The following AKAP10 variants were observed in gnomAD, a reference collection of about 807,000 sequenced individuals.
AKAP10 encodes the protein A-kinase anchoring protein 10.
In AKAP10, 24 loss-of-function variants were observed where a neutral mutation model predicts 80.8. The observed-to-expected ratio is 0.30, with a 90% CI of 0.22 to 0.42. The LOEUF (loss-of-function observed/expected upper bound fraction) is 0.42, where lower values mean the gene tolerates loss of function less well. Ranked by LOEUF, AKAP10 falls within the 10% of genes least tolerant of loss-of-function variation. The probability of loss-of-function intolerance (pLI) is 1.00; values close to 1 mark genes in which losing one functional copy is unlikely to be tolerated. For missense variants in AKAP10, 661 were observed against 794.9 expected (o/e 0.83, Z 2.03); for synonymous variants, 291 against 277.7 (o/e 1.05, Z -0.48).
In AKAP10 at chr17:19,958,204, A is replaced by C. The variant is rs890029540; in HGVS notation, c.687T>G (p.Thr229=). 3.7e-6 allele frequency: 6 copies of C among 1,614,046 alleles called. No individual in the cohort carries two copies. In the African/African-American group the frequency reaches 8.0e-5, roughly 22 times the overall value. Residue 229 remains threonine, a synonymous_variant, in exon 4 of 15, where the codon ACT becomes ACG. Transcript: ENST00000225737. The stretch of plus-strand genomic sequence containing the variant: ...GCAGCAAGTGATTCTGAGTGCTGTT[A>C]GTTCTATTATTCAGGTCAATTCCTT... ...HSEGIDLNNR[T]NSTQNHLLLS...
chr17:19,922,541 T>C (rs1018007481), intron 11 of AKAP10, among the ~76,000 whole-genome samples: 2 of 152,136 alleles, frequency 1.3e-5, no homozygotes, highest in African/African-American at 4.8e-5. Context: ...CCACTGCGCC[T>C]GGTGAAGATA....
At chr17:19,953,345 T>A (rs2043236769) in intron 4 of AKAP10, among the ~76,000 whole-genome samples, 1 of 149,958 alleles carries the variant, frequency 6.7e-6, no homozygotes. Context: ...TTTAAGCAAC[T>A]TGGAGAAAAA....
chr17:19,941,386 G>A (rs2043049691), intron 6 of AKAP10, among the ~76,000 whole-genome samples: 1 of 152,146 alleles, frequency 6.6e-6, no homozygotes, highest in African/African-American at 2.4e-5. Context: ...GCACATAGCA[G>A]TAATAAATCT....
At chr17:19,946,234 A>G (rs2043111561) in intron 5 of AKAP10, among the ~76,000 whole-genome samples, 1 of 17,258 alleles carries the variant, frequency 5.8e-5, no homozygotes, top group African/African-American at 1.8e-4. Flanking sequence ...ATATATATAT[A>G]TATTATATAT....
At chr17:19,946,237 T>TTTTATATA (rs1555576595) in intron 5 of AKAP10, among the ~76,000 whole-genome samples, 1 of 15,182 alleles carries the variant, frequency 6.6e-5, no homozygotes, top group East Asian at 2.9e-3. Context: ...TATATATATA[T>TTTTATATA]TATATATATA....
intron 9 of AKAP10, among the ~76,000 whole-genome samples, chr17:19,934,345 T>C (rs2042970118): frequency 6.6e-6 from 1 of 152,150 alleles, no homozygotes; most frequent in African/African-American, 2.4e-5. Context: ...CGTTGCGGCA[T>C]AATGCCTTCT....
intron 5 of AKAP10, among the ~76,000 whole-genome samples, chr17:19,944,756 C>A (rs1283207849): frequency 6.6e-6 from 1 of 152,180 alleles, no homozygotes; most frequent in Non-Finnish European, 1.5e-5. Context: ...GTCAGCTGTA[C>A]CTTCAAAGTT....
Position 19,952,128 on chromosome 17 carries a change from A to T in AKAP10, c.878-4623T>A, listed in dbSNP as rs1291586390. On this transcript the variant is annotated intron_variant, in intron 4 of 14. Coordinates refer to ENST00000225737, the MANE Select transcript of AKAP10 (RefSeq NM_007202.4). ...ACTAAAATTTATATTAAAATAATTA[A>T]ATTTACCAACAAAAACCCTGTATTG... Among the ~76,000 whole-genome samples, 3 of 149,564 alleles carry T rather than the reference A, an allele frequency of 2.0e-5. No homozygotes were observed. In the East Asian group the frequency reaches 5.8e-4, roughly 29 times the overall value.
At chr17:19,907,176 G>A (rs574716762) in intron 14 of AKAP10, among the ~76,000 whole-genome samples, 63 of 151,614 alleles carry the variant, frequency 4.2e-4, no homozygotes, top group African/African-American at 1.5e-3. Flanking sequence ...GCGCCACCAC[G>A]CCCAGCTAAT....
At chr17:19,956,987 T>G (rs2043284430) in intron 4 of AKAP10, among the ~76,000 whole-genome samples, 1 of 152,152 alleles carries the variant, frequency 6.6e-6, no homozygotes, top group African/African-American at 2.4e-5. Context: ...AGACCTCATT[T>G]TAGTTCACTG....
intron 2 of AKAP10, among the ~76,000 whole-genome samples, chr17:19,964,688 G>A (rs914062617): frequency 6.6e-6 from 1 of 151,982 alleles, no homozygotes; most frequent in Non-Finnish European, 1.5e-5. Context: ...CCAGGAGTTC[G>A]AGACCAGTCT....
intron 11 of AKAP10, among the ~76,000 whole-genome samples, chr17:19,921,550 T>G (rs1353865556): frequency 6.6e-6 from 1 of 151,918 alleles, no homozygotes; most frequent in Non-Finnish European, 1.5e-5. Context: ...AAATTTAAAA[T>G]GTAGGCCAGG....
At chr17:19,914,729 C>T (rs2042727254) in intron 12 of AKAP10, among the ~76,000 whole-genome samples, 1 of 151,532 alleles carries the variant, frequency 6.6e-6, no homozygotes, top group Non-Finnish European at 1.5e-5. Flanking sequence ...TTGGGAAGGT[C>T]CCTCTCTGAA....
At chr17:19,957,965 A>G in intron 4 of AKAP10, 49 bp downstream of exon 4, 1 of 1,509,688 alleles carries the variant, frequency 6.6e-7, no homozygotes. Context: ...AGTAAATTAA[A>G]AAAAGAAAGT....
intron 3 of AKAP10, among the ~76,000 whole-genome samples, chr17:19,960,109 T>C (rs2043330737): frequency 6.6e-6 from 1 of 152,178 alleles, no homozygotes; most frequent in Admixed American, 6.5e-5. Context: ...TAGAGATCCC[T>C]TGTACACTTT....
At chr17:19,964,410 T>C (rs2043390756) in intron 2 of AKAP10, among the ~76,000 whole-genome samples, 1 of 152,224 alleles carries the variant, frequency 6.6e-6, no homozygotes, top group Non-Finnish European at 1.5e-5. Context: ...ATTCTTTTAA[T>C]ACCCATTTAT....
At chr17:19,939,658 A>G in intron 8 of AKAP10, 55 bp downstream of exon 8, 1 of 1,573,386 alleles carries the variant, frequency 6.4e-7, no homozygotes, top group Non-Finnish European at 8.6e-7. Flanking sequence ...ATTTCCACAA[A>G]ACATATCAAA....
In AKAP10 at chr17:19,909,211, C is replaced by G. The variant is rs868432707; in HGVS notation, c.1953G>C (p.Gln651His). The stretch of plus-strand genomic sequence containing the variant: ...TAGATTTCTCTAACGGTTGATCATA[C>G]TGAGCCTGCTGCATAATGTCACTGA... ...MIVSDIMQQA[Q>H]YDQPLEKSTK... Residue 651 changes from glutamine to histidine, a missense_variant, in exon 14 of 15, where the codon CAG (glutamine) becomes CAC (histidine). By Grantham distance (24) the Gln-to-His change is conservative. Transcript: ENST00000225737. 3.1e-6 allele frequency: 5 copies of G among 1,613,674 alleles called. No individual in the cohort carries two copies. The highest frequency in any genetic ancestry group is 4.2e-6 in the Non-Finnish European group (5 of 1,179,914).
chr17:19,953,346 T>A (rs2043236812), intron 4 of AKAP10, among the ~76,000 whole-genome samples: 1 of 148,882 alleles, frequency 6.7e-6, no homozygotes, highest in African/African-American at 2.5e-5. Flanking sequence ...TTAAGCAACT[T>A]GGAGAAAAAA....
Sources: gnomAD v4.1 joint callset for allele counts (sites outside exome capture counted in the v4.1 genomes callset) on GRCh38, gnomAD v4.1.1 for gene constraint, MANE v1.5 for transcripts, NCBI Gene and HGNC (gene_info 2026-07-23, HGNC 2026-07-21) for gene names.